Variants in EPHX4 observed in about 807,000 individuals in gnomAD.
The protein encoded by EPHX4 is abhydrolase domain containing 7.
In EPHX4, 31 loss-of-function variants were observed where a neutral mutation model predicts 44.9. The ratio of observed to expected loss-of-function variants is 0.69; its 90% CI spans 0.52 to 0.93. The LOEUF (loss-of-function observed/expected upper bound fraction) is 0.93. Among genes scored for constraint, EPHX4 ranks in the 40% least tolerant of loss-of-function variants. The pLI, the probability that EPHX4 is intolerant of heterozygous loss-of-function variation, is 0.00. For synonymous variants in EPHX4, 151 were observed against 159.7 expected (o/e 0.95, Z 0.41); for missense variants, 373 against 438.1 (o/e 0.85, Z 1.33).
chr1:92,060,743 G>T (rs1404519778), intron 6 of EPHX4, among the ~76,000 whole-genome samples: 5 of 152,058 alleles, frequency 3.3e-5, no homozygotes, highest in Non-Finnish European at 5.9e-5. Flanking sequence ...TTTGACTAAT[G>T]GTCTTTTAAA....
intron 2 of EPHX4, 52 bp downstream of exon 2, chr1:92,032,642 T>C: frequency 6.9e-7 from 1 of 1,441,166 alleles, no homozygotes; most frequent in Non-Finnish European, 9.8e-7. Context: ...GCTTATTTTC[T>C]CAGTTCATTT....
chr1:92,051,407 T>C (rs1430403403), intron 5 of EPHX4, among the ~76,000 whole-genome samples: 1 of 152,216 alleles, frequency 6.6e-6, no homozygotes. Context: ...TGTATTTAGT[T>C]GTTATGGCTT....
intron 3 of EPHX4, among the ~76,000 whole-genome samples, chr1:92,044,185 G>C (rs560475688): frequency 1.2e-4 from 18 of 152,204 alleles, no homozygotes; most frequent in African/African-American, 4.3e-4. Flanking sequence ...TGAGAGCATG[G>C]ATCAGGCCAA....
intron 4 of EPHX4, among the ~76,000 whole-genome samples, chr1:92,049,386 C>T (rs34712277): frequency 0.23 from 34,385 of 152,058 alleles, 4,339 homozygotes; most frequent in Non-Finnish European, 0.28. Flanking sequence ...CCATCACTGT[C>T]AATCAGATTG....
intron 3 of EPHX4, 82 bp downstream of exon 3, chr1:92,043,062 A>T: frequency 8.5e-7 from 1 of 1,172,542 alleles, no homozygotes; most frequent in Non-Finnish European, 1.2e-6. Context: ...TTTTCTTGGG[A>T]GGATGCATAT....
At chr1:92,062,584 C>CAAAAAAAA (rs1167530513) in intron 6 of EPHX4, among the ~76,000 whole-genome samples, 21 of 20,086 alleles carry the variant, frequency 1.0e-3, no homozygotes, top group Non-Finnish European at 1.9e-3. Context: ...AACTCCATCT[C>CAAAAAAAA]AAAAAAAAAA....
intron 3 of EPHX4, among the ~76,000 whole-genome samples, chr1:92,044,642 A>G (rs1158763264): frequency 6.6e-6 from 1 of 152,210 alleles, no homozygotes; most frequent in Admixed American, 6.5e-5. Context: ...AAGACTTTCC[A>G]TTACTTCAGT....
chr1:92,044,394 G>A (rs888247253), intron 3 of EPHX4, among the ~76,000 whole-genome samples: 1 of 152,170 alleles, frequency 6.6e-6, no homozygotes, highest in Non-Finnish European at 1.5e-5. Flanking sequence ...CAAGATTTAT[G>A]CATGTGTGTT....
intron 5 of EPHX4, among the ~76,000 whole-genome samples, chr1:92,050,887 C>G (rs1412198245): frequency 6.6e-6 from 1 of 152,124 alleles, no homozygotes; most frequent in Non-Finnish European, 1.5e-5. Flanking sequence ...TGCTTTGTCA[C>G]CCAGGCTGGA....
intron 2 of EPHX4, among the ~76,000 whole-genome samples, chr1:92,035,602 G>T (rs1049580834): frequency 6.6e-6 from 1 of 152,112 alleles, no homozygotes; most frequent in South Asian, 2.1e-4. Flanking sequence ...TATGAGCCAG[G>T]CACTCTCTTT....
chr1:92,040,892 C>A (rs1478560064), intron 2 of EPHX4, among the ~76,000 whole-genome samples: 3 of 152,080 alleles, frequency 2.0e-5, no homozygotes, highest in African/African-American at 7.2e-5. Flanking sequence ...TTGCCTACTG[C>A]ACTCCAAAAG....
intron 5 of EPHX4, 44 bp downstream of exon 5, chr1:92,050,464 TA>T: frequency 9.7e-7 from 1 of 1,033,690 alleles, no homozygotes; most frequent in Non-Finnish European, 1.4e-6. Flanking sequence ...TTATTATTAT[TA>T]ATGAAAAATA....
chr1:92,030,415 G>C, intron 1 of EPHX4, 105 bp downstream of exon 1: 2 of 1,068,674 alleles, frequency 1.9e-6, no homozygotes, highest in South Asian at 3.3e-5. Context: ...GCGTCCCCTA[G>C]TGTCCTGGCA....
intron 6 of EPHX4, among the ~76,000 whole-genome samples, chr1:92,062,584 C>CAAAAAAA (rs1167530513): frequency 5.0e-5 from 1 of 20,088 alleles, no homozygotes; most frequent in African/African-American, 1.3e-4. Context: ...AACTCCATCT[C>CAAAAAAA]AAAAAAAAAA....
At chr1:92,030,881 G>A (rs1051564971) in intron 1 of EPHX4, among the ~76,000 whole-genome samples, 3 of 152,276 alleles carry the variant, frequency 2.0e-5, no homozygotes, top group African/African-American at 4.8e-5. Flanking sequence ...GCATACTTAT[G>A]AAGTCAGGGA....
intron 3 of EPHX4, chr1:92,043,808 A>C (rs1010620677): frequency 1.3e-5 from 2 of 152,238 alleles, no homozygotes; most frequent in African/African-American, 4.8e-5. Flanking sequence ...CCCAAGCTAA[A>C]AGGGAGTGGC....
At chr1:92,044,691 G>A (rs1465893454) in intron 3 of EPHX4, among the ~76,000 whole-genome samples, 1 of 152,092 alleles carries the variant, frequency 6.6e-6, no homozygotes, top group African/African-American at 2.4e-5. Flanking sequence ...GATTTTCTGT[G>A]TTGAATTGTA....
At chr1:92,049,908 G>A (rs1449613392) in intron 4 of EPHX4, among the ~76,000 whole-genome samples, 1 of 151,980 alleles carries the variant, frequency 6.6e-6, no homozygotes, top group South Asian at 2.1e-4. Context: ...AACCAGCCTG[G>A]CCAACATGGC....
intron 6 of EPHX4, among the ~76,000 whole-genome samples, chr1:92,055,652 G>T (rs1050293910): frequency 6.6e-6 from 1 of 152,016 alleles, no homozygotes; most frequent in African/African-American, 2.4e-5. Flanking sequence ...TGAAGTTCAC[G>T]TATTCTTGTT....
Sources: gnomAD v4.1 joint callset for allele counts (sites outside exome capture counted in the v4.1 genomes callset) on GRCh38, gnomAD v4.1.1 for gene constraint, MANE v1.5 for transcripts, NCBI Gene and HGNC (gene_info 2026-07-23, HGNC 2026-07-21) for gene names.